The following GMDS variants were observed in gnomAD, a reference collection of about 807,000 sequenced individuals.
The protein encoded by GMDS is GDP-mannose 4,6 dehydratase.
GMDS carries 20 observed loss-of-function variants against 49.9 expected under a neutral mutation model. That is an observed-to-expected ratio of 0.40 (90% CI 0.28 to 0.58). GMDS has a LOEUF of 0.58. Ranked by LOEUF, GMDS falls within the 20% of genes least tolerant of loss-of-function variation. The probability of loss-of-function intolerance (pLI) is 0.42; values close to 1 mark genes in which losing one functional copy is unlikely to be tolerated. For missense variants in GMDS, 362 were observed against 481.4 expected, an observed-to-expected ratio of 0.75 and a Z score of 2.32; for synonymous variants, 177 against 178.6, an observed-to-expected ratio of 0.99 and a Z score of 0.07.
chr6:1,855,703 A>C (rs1368343879), intron 7 of GMDS, among the ~76,000 whole-genome samples: 1 of 152,268 alleles, frequency 6.6e-6, no homozygotes, highest in African/African-American at 2.4e-5. Context: ...GTCTGAGAGC[A>C]GGATGCTGAC....
rs553500478 is a variant in GMDS, at chr6:1,626,932, G to A, written c.988-2392C>T. ...AAAGTATTTCATTGAAACCAGAGAC[G>A]CACCCAGTTAAACTTCTCAATTTAG... On this transcript the variant is annotated intron_variant, in intron 9 of 10. Coordinates refer to ENST00000380815, the MANE Select transcript of GMDS (RefSeq NM_001500.4). Among the ~76,000 whole-genome samples, 16 of 152,320 alleles carry A rather than the reference G, an allele frequency of 1.1e-4. No homozygotes were observed. The East Asian group carries it at 2.3e-3, about 22-fold the overall frequency.
At chr6:2,244,441 G>A (rs1781763819) in intron 1 of GMDS, among the ~76,000 whole-genome samples, 1 of 152,042 alleles carries the variant, frequency 6.6e-6, no homozygotes, top group African/African-American at 2.4e-5. Flanking sequence ...ATACCCAGGA[G>A]CACACACATC....
At chr6:2,200,981 G>A (rs1037256151) in intron 1 of GMDS, among the ~76,000 whole-genome samples, 1 of 144,458 alleles carries the variant, frequency 6.9e-6, no homozygotes, top group African/African-American at 2.6e-5. Flanking sequence ...ATGGGCATCC[G>A]AGATGAACCA....
At chr6:2,063,469 T>G (rs1259615528) in intron 4 of GMDS, among the ~76,000 whole-genome samples, 3 of 152,220 alleles carry the variant, frequency 2.0e-5, no homozygotes, top group Non-Finnish European at 2.9e-5. Context: ...AGTGGCTGTA[T>G]TCCTCATAAT....
At chr6:2,146,869 C>G (rs1776583958) in intron 1 of GMDS, among the ~76,000 whole-genome samples, 1 of 152,156 alleles carries the variant, frequency 6.6e-6, no homozygotes, top group South Asian at 2.1e-4. Flanking sequence ...TAAGTACAAT[C>G]TAACAGCAAA....
intron 9 of GMDS, among the ~76,000 whole-genome samples, chr6:1,722,260 A>ATTCTTATTATTT (rs59203891): frequency 7.1e-6 from 1 of 140,860 alleles, no homozygotes; most frequent in Non-Finnish European, 1.5e-5. Flanking sequence ...TAGTAGTAGT[A>ATTCTTATTATTT]GTATTTTTAG....
chr6:2,001,158 T>C (rs1766795491), intron 4 of GMDS, among the ~76,000 whole-genome samples: 1 of 152,248 alleles, frequency 6.6e-6, no homozygotes, highest in Non-Finnish European at 1.5e-5. Flanking sequence ...ACACCTGTTA[T>C]GATCTGACTT....
intron 4 of GMDS, among the ~76,000 whole-genome samples, chr6:2,045,628 T>C (rs189456496): frequency 6.6e-6 from 1 of 152,282 alleles, no homozygotes; most frequent in Admixed American, 6.5e-5. Context: ...TTTGCTTGTT[T>C]CTACAAGAGG....
intron 4 of GMDS, among the ~76,000 whole-genome samples, chr6:2,054,539 T>C (rs1177824418): frequency 2.0e-5 from 3 of 152,078 alleles, no homozygotes; most frequent in Non-Finnish European, 4.4e-5. Context: ...AAGGCAACCA[T>C]AGCTATTGGA....
chr6:2,066,880 C>A lies in GMDS; in HGVS notation c.345+48891G>T, dbSNP rs574889038. On this transcript the variant is annotated intron_variant, in intron 4 of 10. Coordinates refer to ENST00000380815, the MANE Select transcript of GMDS (RefSeq NM_001500.4). ...CGAGACAGAAAGTCAACAAGGATAC[C>A]CAGGAATTGAACTCAGCTCTGCACC... Among the ~76,000 whole-genome samples the A allele has an allele frequency of 9.4e-3, 1,428 of 151,720 alleles. 21 individuals carry two copies. Among genetic ancestry groups the A allele is most frequent in the African/African-American group, 0.028 (1,169 of 41,338 alleles).
chr6:1,940,203 C>A (rs184269848), intron 6 of GMDS, among the ~76,000 whole-genome samples: 186 of 150,746 alleles, frequency 1.2e-3, no homozygotes, highest in African/African-American at 4.3e-3. Flanking sequence ...ACATACATAT[C>A]TAAACATTAT....
intron 4 of GMDS, among the ~76,000 whole-genome samples, chr6:1,988,929 T>A (rs1240297108): frequency 6.6e-6 from 1 of 151,602 alleles, no homozygotes; most frequent in Non-Finnish European, 1.5e-5. Flanking sequence ...TCAAGAGTTA[T>A]GCCGGGAGCA....
chr6:1,891,861 G>A (rs573131344), intron 7 of GMDS, among the ~76,000 whole-genome samples: 15 of 152,306 alleles, frequency 9.8e-5, no homozygotes, highest in Admixed American at 2.6e-4. Context: ...ATCCAGGGCT[G>A]AGGTCATATG....
At chr6:1,966,215 T>C (rs1764249128) in intron 4 of GMDS, among the ~76,000 whole-genome samples, 1 of 152,182 alleles carries the variant, frequency 6.6e-6, no homozygotes, top group Non-Finnish European at 1.5e-5. Flanking sequence ...GTGGTTGGTT[T>C]CTATCATTAT....
At chr6:1,800,829 G>A (rs1035034376) in intron 7 of GMDS, among the ~76,000 whole-genome samples, 2 of 152,144 alleles carry the variant, frequency 1.3e-5, no homozygotes, top group African/African-American at 4.8e-5. Flanking sequence ...TGCAAGAAGT[G>A]GATGTGATTC....
intron 7 of GMDS, among the ~76,000 whole-genome samples, chr6:1,875,461 C>T (rs956840613): frequency 6.6e-6 from 1 of 152,034 alleles, no homozygotes; most frequent in African/African-American, 2.4e-5. Context: ...TAGCACACTC[C>T]CCCGCCGACA....
At chr6:2,169,722 A>T (rs959433802) in intron 1 of GMDS, among the ~76,000 whole-genome samples, 1 of 152,188 alleles carries the variant, frequency 6.6e-6, no homozygotes, top group Non-Finnish European at 1.5e-5. Context: ...TGATTTCATA[A>T]AATATTTGCC....
At chr6:1,788,675 T>C (rs764945155) in intron 7 of GMDS, among the ~76,000 whole-genome samples, 4 of 152,228 alleles carry the variant, frequency 2.6e-5, no homozygotes, top group Non-Finnish European at 5.9e-5. Context: ...TTAAGAAATA[T>C]CCAAGTTTCT....
intron 4 of GMDS, among the ~76,000 whole-genome samples, chr6:2,020,262 T>C (rs1768196499): frequency 6.6e-6 from 1 of 152,040 alleles, no homozygotes; most frequent in Non-Finnish European, 1.5e-5. Flanking sequence ...CAACATTGAA[T>C]ATGTATGCCT....
Sources: gnomAD v4.1 joint callset for allele counts (sites outside exome capture counted in the v4.1 genomes callset) on GRCh38, gnomAD v4.1.1 for gene constraint, MANE v1.5 for transcripts, NCBI Gene and HGNC (gene_info 2026-07-23, HGNC 2026-07-21) for gene names.